The following SLC14A2 variants were observed in gnomAD, a reference collection of about 807,000 sequenced individuals.
The protein encoded by SLC14A2 is solute carrier family 14 member 2.
Under a neutral mutation model 104.6 loss-of-function variants are expected in SLC14A2, and 91 were observed. The ratio of observed to expected loss-of-function variants is 0.87; its 90% CI spans 0.73 to 1.04. The LOEUF is 1.04. Ranked by LOEUF, SLC14A2 falls within the 50% of genes least tolerant of loss-of-function variation. SLC14A2 has a pLI of 0.00. For missense variants in SLC14A2, 1,189 were observed against 1,156.0 expected (o/e 1.03, Z -0.41); for synonymous variants, 476 against 466.4 (o/e 1.02, Z -0.27).
chr18:45,233,444 T>A (rs2084194430), intron 1 of SLC14A2, among the ~76,000 whole-genome samples: 1 of 152,130 alleles, frequency 6.6e-6, no homozygotes, highest in East Asian at 1.9e-4. Context: ...TGGGTGAAAG[T>A]GTATCACAGG....
intron 1 of SLC14A2, among the ~76,000 whole-genome samples, chr18:45,391,530 A>ATG (rs2085965011): frequency 6.6e-6 from 1 of 152,178 alleles, no homozygotes; most frequent in Non-Finnish European, 1.5e-5. Context: ...GAACTAGTTT[A>ATG]CAGTCCCACC....
intron 1 of SLC14A2, among the ~76,000 whole-genome samples, chr18:45,398,135 A>T (rs923985358): frequency 2.0e-5 from 3 of 152,180 alleles, no homozygotes; most frequent in African/African-American, 4.8e-5. Flanking sequence ...ACTGAGACTC[A>T]GAGGGACTAA....
chr18:45,308,462 C>T (rs146020397), intron 1 of SLC14A2, among the ~76,000 whole-genome samples: 111 of 152,252 alleles, frequency 7.3e-4, no homozygotes, highest in Middle Eastern at 3.4e-3. Context: ...GTAGAAGAAA[C>T]GTATTTTAAA....
intron 1 of SLC14A2, among the ~76,000 whole-genome samples, chr18:45,455,031 T>C (rs1364980672): frequency 1.3e-5 from 2 of 152,212 alleles, no homozygotes; most frequent in Non-Finnish European, 2.9e-5. Flanking sequence ...TTTTTTCCAA[T>C]TCTGTGAAAA....
chr18:45,203,110 TAATGAGAGTAGTCCGAGGAGAGGCA>T, the SLC14A2 span, among the ~76,000 whole-genome samples: 1 of 152,108 alleles, frequency 6.6e-6, no homozygotes, highest in African/African-American at 2.4e-5. Context: ...AACGGGATGC[TAATGAGAGTAGTCCGAGGAGAGGCA>T]CTTCAAAAGC....
chr18:45,368,696 C>T (rs1410562091), intron 1 of SLC14A2, among the ~76,000 whole-genome samples: 2 of 152,132 alleles, frequency 1.3e-5, no homozygotes, highest in Admixed American at 6.5e-5. Flanking sequence ...GGGAGAAATA[C>T]AAAAAGCAAG....
intron 2 of SLC14A2, among the ~76,000 whole-genome samples, chr18:45,567,622 C>T (rs1188320515): frequency 6.6e-6 from 1 of 152,064 alleles, no homozygotes; most frequent in Non-Finnish European, 1.5e-5. Context: ...TGAGTGTGAC[C>T]ATCCTGGGGA....
At chr18:45,249,554 C>A (rs2144071830) in intron 1 of SLC14A2, among the ~76,000 whole-genome samples, 1 of 152,282 alleles carries the variant, frequency 6.6e-6, no homozygotes, top group Non-Finnish European at 1.5e-5. Context: ...TAAGAAACAT[C>A]TGGCCTCTCT....
At chr18:45,238,056 A>G (rs767362539) in intron 1 of SLC14A2, among the ~76,000 whole-genome samples, 5 of 152,342 alleles carry the variant, frequency 3.3e-5, no homozygotes, top group Non-Finnish European at 5.9e-5. Context: ...AGACAAGCCA[A>G]TATCTCTAGA....
chr18:45,265,226 T>C (rs1047370825), intron 1 of SLC14A2, among the ~76,000 whole-genome samples: 3 of 152,216 alleles, frequency 2.0e-5, no homozygotes, highest in African/African-American at 7.2e-5. Flanking sequence ...TTCAAGCTTA[T>C]GAAGAGCTCT....
chr18:45,341,595 C>CTTT lies in SLC14A2; in HGVS notation c.-125+128429_-125+128431dup, dbSNP rs376534367. 2.3e-4 allele frequency among the ~76,000 whole-genome samples: 19 copies of CTTT among 83,164 alleles called. 1 individual carries two copies. The highest frequency in any genetic ancestry group is 3.8e-4 in the Admixed American group (3 of 7,844). 54.6% of individuals were successfully genotyped at this position (83,164 alleles called of 152,430 possible). A position where few individuals can be genotyped will look rare whatever the true frequency, so the allele number is the denominator to read the frequency against. On this transcript the variant is annotated intron_variant, in intron 1 of 20. Transcript: ENST00000586448. ...AGTGTTGAAACACTGTCTAGTATTA[C>CTTT]TTTTTTTTTTTTTTTTTTTTTTTTT...
chr18:45,303,933 A>G lies in SLC14A2; in HGVS notation c.-125+90742A>G, dbSNP rs59121408. On this transcript the variant is annotated intron_variant, in intron 1 of 20. Coordinates refer to the SLC14A2 transcript ENST00000586448. Reference sequence around the variant, plus strand: ...TCTAGCACAGAGTCTTGCAAATGGCAGAAGCTTTAACAAGATGTGGTGATG... The same window carrying G: ...TCTAGCACAGAGTCTTGCAAATGGCGGAAGCTTTAACAAGATGTGGTGATG... Among the ~76,000 whole-genome samples, 125 of 152,368 alleles carry G rather than the reference A, an allele frequency of 8.2e-4. 1 individual carries two copies. The highest frequency in any genetic ancestry group is 2.8e-3 in the African/African-American group (116 of 41,576).
chr18:45,514,587 C>T (rs986287241), intron 2 of SLC14A2, among the ~76,000 whole-genome samples: 1 of 152,180 alleles, frequency 6.6e-6, no homozygotes, highest in African/African-American at 2.4e-5. Flanking sequence ...TTAGAAAATG[C>T]TGTGGATGCC....
chr18:45,330,018 C>T (rs764963386), intron 1 of SLC14A2, among the ~76,000 whole-genome samples: 11 of 152,186 alleles, frequency 7.2e-5, no homozygotes, highest in Admixed American at 3.9e-4. Flanking sequence ...CCTTCATAAC[C>T]ATTCAGCAAA....
chr18:45,390,619 G>A (rs2085950012), intron 1 of SLC14A2, among the ~76,000 whole-genome samples: 1 of 152,154 alleles, frequency 6.6e-6, no homozygotes, highest in African/African-American at 2.4e-5. Flanking sequence ...GCACACATAA[G>A]AGAGGGTATA....
At chr18:45,518,225 C>T (rs1353799930) in intron 2 of SLC14A2, among the ~76,000 whole-genome samples, 1 of 152,194 alleles carries the variant, frequency 6.6e-6, no homozygotes, top group Non-Finnish European at 1.5e-5. Context: ...CATCTCATTT[C>T]ACAGCTGATG....
intron 1 of SLC14A2, among the ~76,000 whole-genome samples, chr18:45,216,716 G>C (rs865988449): frequency 2.0e-5 from 3 of 152,250 alleles, no homozygotes; most frequent in East Asian, 3.9e-4. Context: ...TTGGACATAG[G>C]GGGGCCGAGC....
At chr18:45,649,028 G>C (rs576240081) in intron 10 of SLC14A2, among the ~76,000 whole-genome samples, 2 of 152,112 alleles carry the variant, frequency 1.3e-5, no homozygotes, top group Non-Finnish European at 2.9e-5. Flanking sequence ...AAAAATTGCT[G>C]GGCATGGTGG....
intron 5 of SLC14A2, among the ~76,000 whole-genome samples, chr18:45,633,255 A>G (rs1256681039): frequency 6.6e-6 from 1 of 152,096 alleles, no homozygotes; most frequent in East Asian, 1.9e-4. Context: ...GCACTATTAA[A>G]CCCCAGGTTG....
Sources: gnomAD v4.1 joint callset for allele counts (sites outside exome capture counted in the v4.1 genomes callset) on GRCh38, gnomAD v4.1.1 for gene constraint, MANE v1.5 for transcripts, NCBI Gene and HGNC (gene_info 2026-07-23, HGNC 2026-07-21) for gene names.